The following PPP2R2B variants were observed in gnomAD, a reference collection of about 807,000 sequenced individuals.
The protein encoded by PPP2R2B is protein phosphatase 2 regulatory subunit Bbeta, also known as serine/threonine-protein phosphatase 2A 55 kDa regulatory subunit B beta isoform.
PPP2R2B carries 5 observed loss-of-function variants against 46.0 expected under a neutral mutation model. The observed-to-expected ratio is 0.11, with a 90% CI of 0.06 to 0.23. The LOEUF is 0.23. Ranked by LOEUF, PPP2R2B falls within the 10% of genes least tolerant of loss-of-function variation. The pLI is 1.00. For missense variants in PPP2R2B, 367 were observed against 575.0 expected (o/e 0.64, Z 3.70); for synonymous variants, 215 against 206.7 (o/e 1.04, Z -0.34).
intron 1 of PPP2R2B, among the ~76,000 whole-genome samples, chr5:147,038,549 G>A (rs1756146242): frequency 6.6e-6 from 1 of 152,118 alleles, no homozygotes. Flanking sequence ...TGTTCAATGA[G>A]TGGCTGGTGC....
chr5:146,962,166 G>C (rs2151842490), intron 1 of PPP2R2B, among the ~76,000 whole-genome samples: 1 of 147,344 alleles, frequency 6.8e-6, no homozygotes, highest in Admixed American at 6.9e-5. Flanking sequence ...CGTGTACTCT[G>C]AGCCCTAGAA....
At chr5:146,672,155 C>T (rs1361965750) in intron 5 of PPP2R2B, among the ~76,000 whole-genome samples, 8 of 152,124 alleles carry the variant, frequency 5.3e-5, no homozygotes, top group African/African-American at 9.7e-5. Context: ...TTTGCTGCTG[C>T]TTTCACAATG....
intron 2 of PPP2R2B, among the ~76,000 whole-genome samples, chr5:146,716,637 C>T (rs553857182): frequency 3.5e-4 from 53 of 152,296 alleles, no homozygotes; most frequent in African/African-American, 1.3e-3. Flanking sequence ...GAGACCATCA[C>T]TCAATACTAC....
intron 1 of PPP2R2B, among the ~76,000 whole-genome samples, chr5:147,000,263 A>G (rs1248750801): frequency 6.6e-6 from 1 of 152,144 alleles, no homozygotes; most frequent in African/African-American, 2.4e-5. Context: ...TGCACCTAGG[A>G]TGAGTGCCTC....
chr5:146,993,827 G>A (rs1325801265), intron 1 of PPP2R2B, among the ~76,000 whole-genome samples: 1 of 151,400 alleles, frequency 6.6e-6, no homozygotes, highest in Non-Finnish European at 1.5e-5. Flanking sequence ...TTAAATAAAT[G>A]TAAGTCACAT....
chr5:146,873,896 T>C, intron 2 of PPP2R2B, among the ~76,000 whole-genome samples: 1 of 152,112 alleles, frequency 6.6e-6, no homozygotes, highest in East Asian at 2.0e-4. Flanking sequence ...TCCATTCTCA[T>C]TTTTATCACT....
In PPP2R2B at chr5:146,983,470, GCA is replaced by G. The variant is rs1307001446; in HGVS notation, c.79+72193_79+72194del. On this transcript the variant is annotated intron_variant, in intron 1 of 8. Transcript: ENST00000336640. ...GCTGGGATTATAGGCGTGAGCCACT[GCA>G]CCCGGCCCAGAGCGTTTCTTTGTAT... Among the ~76,000 whole-genome samples, 16 of 152,274 alleles carry G rather than the reference GCA, an allele frequency of 1.1e-4. No homozygotes were observed. The East Asian group carries it at 2.7e-3, about 26-fold the overall frequency.
chr5:146,662,930 A>G (rs1776758164), intron 5 of PPP2R2B, among the ~76,000 whole-genome samples: 1 of 152,148 alleles, frequency 6.6e-6, no homozygotes, highest in Admixed American at 6.5e-5. Flanking sequence ...CATAGATAGA[A>G]ATATGCCCAA....
chr5:146,881,860 T>A (rs552812035), upstream of PPP2R2B, among the ~76,000 whole-genome samples: 41 of 152,358 alleles, frequency 2.7e-4, no homozygotes, highest in African/African-American at 9.1e-4. Flanking sequence ...TTAAAATTCA[T>A]ATTAAAATAA....
intron 1 of PPP2R2B, among the ~76,000 whole-genome samples, chr5:146,981,882 A>G (rs1046290091): frequency 2.6e-5 from 4 of 152,212 alleles, no homozygotes; most frequent in African/African-American, 9.6e-5. Flanking sequence ...ATAATAATAG[A>G]ACTCTGACTC....
At chr5:146,653,616 C>T (rs1718192700) in intron 5 of PPP2R2B, among the ~76,000 whole-genome samples, 2 of 152,074 alleles carry the variant, frequency 1.3e-5, no homozygotes, top group African/African-American at 4.8e-5. Flanking sequence ...CCTCAGTTAC[C>T]GTGCATTGTC....
chr5:146,838,894 A>G (rs1364944812), intron 2 of PPP2R2B, among the ~76,000 whole-genome samples: 2 of 152,358 alleles, frequency 1.3e-5, no homozygotes, highest in Middle Eastern at 3.4e-3. Flanking sequence ...AAGCAGCGTT[A>G]GAGGTTTAGC....
At chr5:146,885,631 G>C (rs1456233844) in intron 1 of PPP2R2B, among the ~76,000 whole-genome samples, 2 of 152,264 alleles carry the variant, frequency 1.3e-5, no homozygotes, top group South Asian at 4.1e-4. Context: ...ATATTGAAGA[G>C]AATTAAAAGC....
intron 4 of PPP2R2B, among the ~76,000 whole-genome samples, chr5:146,693,379 G>T (rs1007038394): frequency 2.0e-5 from 3 of 151,910 alleles, no homozygotes; most frequent in South Asian, 2.1e-4. Context: ...CACGCCCAGA[G>T]AATTTTTCTA....
intron 8 of PPP2R2B, among the ~76,000 whole-genome samples, chr5:146,595,986 G>A (rs891160041): frequency 4.6e-5 from 7 of 152,110 alleles, no homozygotes; most frequent in Non-Finnish European, 7.4e-5. Flanking sequence ...CTATTGGTCC[G>A]TTCTTATATT....
chr5:146,930,378 AT>A (rs575653554), intron 1 of PPP2R2B, among the ~76,000 whole-genome samples: 4 of 152,148 alleles, frequency 2.6e-5, no homozygotes, highest in Non-Finnish European at 5.9e-5. Flanking sequence ...GAAAAATAGC[AT>A]TTTTTGTAGC....
chr5:146,865,636 TTAAAA>T (rs1376457521), intron 2 of PPP2R2B, among the ~76,000 whole-genome samples: 2 of 152,210 alleles, frequency 1.3e-5, no homozygotes, highest in Non-Finnish European at 2.9e-5. Flanking sequence ...ATAAATGTTT[TTAAAA>T]TAACTACTGA....
chr5:146,787,566 CTT>C (rs1030469029), intron 2 of PPP2R2B, among the ~76,000 whole-genome samples: 9 of 151,734 alleles, frequency 5.9e-5, no homozygotes, highest in African/African-American at 4.8e-5. Flanking sequence ...TCCCTTCTCT[CTT>C]GTCTTCTCTT....
chr5:146,849,084 A>G (rs1404782361), intron 2 of PPP2R2B, among the ~76,000 whole-genome samples: 1 of 151,100 alleles, frequency 6.6e-6, no homozygotes, highest in East Asian at 1.9e-4. Flanking sequence ...GAGGCTCCAG[A>G]CTCATATACT....
Sources: gnomAD v4.1 joint callset for allele counts (sites outside exome capture counted in the v4.1 genomes callset) on GRCh38, gnomAD v4.1.1 for gene constraint, MANE v1.5 for transcripts, NCBI Gene and HGNC (gene_info 2026-07-23, HGNC 2026-07-21) for gene names.